Variants in PPA2 observed in about 807,000 individuals in gnomAD.
PPA2 encodes inorganic pyrophosphatase 2, mitochondrial.
PPA2 carries 48 observed loss-of-function variants against 49.5 expected under a neutral mutation model. The observed-to-expected ratio is 0.97, with a 90% CI of 0.77 to 1.23. The LOEUF (loss-of-function observed/expected upper bound fraction) is 1.23. Ranked by LOEUF, PPA2 falls within the 50% of genes most tolerant of loss-of-function variation. The pLI is 0.00. For missense variants in PPA2, 429 were observed against 410.1 expected, an observed-to-expected ratio of 1.05 and a Z score of -0.40; for synonymous variants, 131 against 139.9, an observed-to-expected ratio of 0.94 and a Z score of 0.45.
chr4:105,369,594 T>C lies in PPA2; in HGVS notation c.*131A>G, dbSNP rs191981567. The C allele has an allele frequency of 5.3e-6, 4 of 758,060 alleles. No homozygotes were observed. The East Asian group carries it at 1.1e-4, about 20-fold the overall frequency. 47.0% of individuals were successfully genotyped at this position (758,060 alleles called of 1,614,324 possible). A position where few individuals can be genotyped will look rare whatever the true frequency, so the allele number is the denominator to read the frequency against. On this transcript the variant is annotated 3_prime_UTR_variant, in exon 12 of 12. Transcript: ENST00000341695. ...AAATTCTTACTGTTTATTTATATAT[T>C]GCATAGCTCAAAAAGTTTGAAAAAA...
chr4:105,468,608 A>T (rs1343966718), intron 1 of PPA2, among the ~76,000 whole-genome samples: 14 of 152,190 alleles, frequency 9.2e-5, no homozygotes. Context: ...GGTTTATATT[A>T]AAAAGACTAG....
At chr4:105,420,099 T>C (rs1188995839) in intron 7 of PPA2, among the ~76,000 whole-genome samples, 1 of 151,964 alleles carries the variant, frequency 6.6e-6, no homozygotes, top group Non-Finnish European at 1.5e-5. Flanking sequence ...CAGCCTCCCA[T>C]ATAGCTGGGA....
intron 1 of PPA2, among the ~76,000 whole-genome samples, chr4:105,467,678 C>CAG (rs35053582): frequency 0.83 from 125,788 of 151,888 alleles, 52,356 homozygotes; most frequent in Non-Finnish European, 0.85. Context: ...GATGGTGAAA[C>CAG]AGAAAGTGAG....
intron 10 of PPA2, among the ~76,000 whole-genome samples, chr4:105,381,941 GAGA>G (rs1733505241): frequency 6.6e-6 from 1 of 151,960 alleles, no homozygotes; most frequent in African/African-American, 2.4e-5. Flanking sequence ...GTTACAATTT[GAGA>G]AGTTGTTGAG....
At chr4:105,411,001 A>G (rs1722728476) in intron 7 of PPA2, among the ~76,000 whole-genome samples, 1 of 152,260 alleles carries the variant, frequency 6.6e-6, no homozygotes, top group Non-Finnish European at 1.5e-5. Context: ...AAGAAACAGC[A>G]TAAATTAATG....
intron 7 of PPA2, chr4:105,406,933 A>G (rs1722504444): frequency 6.6e-6 from 1 of 152,116 alleles, no homozygotes; most frequent in African/African-American, 2.4e-5. Flanking sequence ...ATAACTTTAA[A>G]TTTGACATCA....
Position 105,453,802 on chromosome 4 carries a change from CCT to C in PPA2, c.223-162_223-161del, listed in dbSNP as rs538972344. On this transcript the variant is annotated intron_variant, in intron 2 of 11. Transcript: ENST00000341695. ...CTACCAAATGCCCACTTCGTTCTCCCCTGAGCATTTGTATCCCCAGAATAGAG... is the reference window on the plus strand; with the variant it reads ...CTACCAAATGCCCACTTCGTTCTCCCGAGCATTTGTATCCCCAGAATAGAG... 3.1e-5 allele frequency: 15 copies of C among 487,626 alleles called. No homozygotes were observed. In the South Asian group the frequency reaches 3.6e-4, roughly 12 times the overall value. 30.2% of individuals were successfully genotyped at this position (487,626 alleles called of 1,614,324 possible). A position where few individuals can be genotyped will look rare whatever the true frequency, so the allele number is the denominator to read the frequency against.
At chr4:105,379,648 T>C (rs1191784951) in intron 10 of PPA2, among the ~76,000 whole-genome samples, 2 of 130,752 alleles carry the variant, frequency 1.5e-5, no homozygotes, top group African/African-American at 5.4e-5. Flanking sequence ...TTTTTTTTTT[T>C]TTTGAGACAG....
intron 10 of PPA2, among the ~76,000 whole-genome samples, chr4:105,371,638 T>G (rs912435632): frequency 6.6e-6 from 1 of 152,190 alleles, no homozygotes; most frequent in Non-Finnish European, 1.5e-5. Flanking sequence ...TTCTCTGAAT[T>G]TGCTGACCTT....
chr4:105,378,232 A>G (rs780913158), intron 10 of PPA2, among the ~76,000 whole-genome samples: 7 of 152,150 alleles, frequency 4.6e-5, no homozygotes, highest in Non-Finnish European at 8.8e-5. Context: ...TTTTACTTTC[A>G]GACATCCTAA....
intron 6 of PPA2, among the ~76,000 whole-genome samples, chr4:105,429,709 C>T (rs571455949): frequency 5.1e-4 from 77 of 152,190 alleles, no homozygotes; most frequent in Non-Finnish European, 8.5e-4. Flanking sequence ...CCTGTATGTA[C>T]CATTACATAA....
intron 1 of PPA2, among the ~76,000 whole-genome samples, chr4:105,466,668 G>T (rs1415270055): frequency 6.6e-6 from 1 of 152,190 alleles, no homozygotes; most frequent in Admixed American, 6.5e-5. Flanking sequence ...ACACTTGGAA[G>T]AGGGCAAAGT....
At chr4:105,406,114 C>CAAAAAAAAAAAA (rs35468715) in intron 7 of PPA2, among the ~76,000 whole-genome samples, 2 of 97,574 alleles carry the variant, frequency 2.0e-5, no homozygotes, top group Non-Finnish European at 4.3e-5. Context: ...TATAAAACTT[C>CAAAAAAAAAAAA]AAAAAAAAAA....
intron 10 of PPA2, among the ~76,000 whole-genome samples, chr4:105,372,481 G>A (rs1400859274): frequency 6.6e-6 from 1 of 152,106 alleles, no homozygotes; most frequent in Non-Finnish European, 1.5e-5. Flanking sequence ...CAACTTGGAG[G>A]GTGTTTTTAG....
intron 2 of PPA2, chr4:105,456,427 C>T (rs1056818453): frequency 6.6e-6 from 3 of 456,194 alleles, no homozygotes; most frequent in Non-Finnish European, 1.2e-5. Flanking sequence ...AATTACTACC[C>T]TTAAATCTTT....
chr4:105,419,326 G>A (rs1723149915), intron 7 of PPA2, among the ~76,000 whole-genome samples: 1 of 151,916 alleles, frequency 6.6e-6, no homozygotes, highest in Non-Finnish European at 1.5e-5. Context: ...CCCCACAACA[G>A]GCCCCGGTGT....
intron 7 of PPA2, chr4:105,405,881 T>C (rs1419628611): frequency 8.8e-6 from 4 of 454,278 alleles, no homozygotes; most frequent in Middle Eastern, 3.2e-4. Context: ...GGCTGGAAGT[T>C]TGGCTCCTGT....
intron 10 of PPA2, among the ~76,000 whole-genome samples, chr4:105,383,246 TCTC>T (rs1368332633): frequency 6.6e-6 from 1 of 152,190 alleles, no homozygotes; most frequent in African/African-American, 2.4e-5. Flanking sequence ...TCATTTAAAT[TCTC>T]CTTCTGAAAT....
chr4:105,412,248 T>C (rs1392669149), intron 7 of PPA2, among the ~76,000 whole-genome samples: 4 of 152,240 alleles, frequency 2.6e-5, no homozygotes, highest in East Asian at 1.9e-4. Flanking sequence ...AACAGAGATA[T>C]AGACCAATGG....
Sources: allele counts gnomAD v4.1 joint callset (sites outside exome capture counted in the v4.1 genomes callset), GRCh38; gene constraint gnomAD v4.1.1; transcripts MANE v1.5; gene names NCBI Gene and HGNC (gene_info 2026-07-23, HGNC 2026-07-21).